Variants in NCR1 observed in about 807,000 individuals in gnomAD.
NCR1 encodes the protein natural cytotoxicity triggering receptor 1, also known as NK cell-activating receptor.
Under a neutral mutation model 32.5 loss-of-function variants are expected in NCR1, and 30 were observed. That is an observed-to-expected ratio of 0.92 (90% CI 0.69 to 1.25). The LOEUF (loss-of-function observed/expected upper bound fraction) is 1.25, where lower values mean the gene tolerates loss of function less well. Ranked by LOEUF, NCR1 falls within the 50% of genes most tolerant of loss-of-function variation. The probability of loss-of-function intolerance (pLI) is 0.00; values close to 1 mark genes in which losing one functional copy is unlikely to be tolerated. For synonymous variants in NCR1, 169 were observed against 143.4 expected (o/e 1.18, Z -1.28); for missense variants, 369 against 380.7 (o/e 0.97, Z 0.26).
downstream of NCR1, among the ~76,000 whole-genome samples, chr19:54,917,073 A>G (rs1435999537): frequency 1.3e-5 from 2 of 151,620 alleles, no homozygotes; most frequent in African/African-American, 4.8e-5. Context: ...GTTGTATTTG[A>G]CACGTTGACC....
At chr19:54,900,344 T>C in the NCR1 span, among the ~76,000 whole-genome samples, 1 of 152,004 alleles carries the variant, frequency 6.6e-6, no homozygotes. Flanking sequence ...AAAGGAAAAT[T>C]ACAGTCAAAA....
chr19:54,900,714 A>T, the NCR1 span, among the ~76,000 whole-genome samples: 1,136 of 152,200 alleles, frequency 7.5e-3, 5 homozygotes, highest in Non-Finnish European at 0.012. Flanking sequence ...AATGTATGTT[A>T]TGTGTATTTT....
downstream of NCR1, among the ~76,000 whole-genome samples, chr19:54,917,592 AT>A (rs1556721374): frequency 6.6e-6 from 1 of 152,106 alleles, no homozygotes; most frequent in Non-Finnish European, 1.5e-5. Flanking sequence ...AAGTGCGAGG[AT>A]TACAGGCCCC....
chr19:54,912,099 C>A (rs2068003531), intron 5 of NCR1, 69 bp from the exon 6 acceptor site: 2 of 1,367,522 alleles, frequency 1.5e-6, no homozygotes, highest in Admixed American at 1.7e-5. Flanking sequence ...TGGGGTAGAC[C>A]CAAGGGAAGG....
chr19:54,934,326 C>T, the NCR1 span, among the ~76,000 whole-genome samples: 2 of 152,170 alleles, frequency 1.3e-5, no homozygotes, highest in Non-Finnish European at 2.9e-5. This position sits in a 1 kb window ranked among gnomAD's most constrained non-coding sequence, Gnocchi z 6.7. Context: ...ATCCGCCCAC[C>T]TCTCTGCTGA....
chr19:54,929,311 G>C, the NCR1 span, among the ~76,000 whole-genome samples: 1 of 152,040 alleles, frequency 6.6e-6, no homozygotes, highest in Non-Finnish European at 1.5e-5. Flanking sequence ...GTTGCAGTGA[G>C]CCAAGATCGC....
the NCR1 span, among the ~76,000 whole-genome samples, chr19:54,931,552 G>A: frequency 6.6e-6 from 1 of 152,158 alleles, no homozygotes; most frequent in South Asian, 2.1e-4. Context: ...GCCAGGTGTG[G>A]TGGCACATGC....
intron 5 of NCR1, among the ~76,000 whole-genome samples, chr19:54,911,085 G>A (rs1226051325): frequency 6.6e-6 from 1 of 152,084 alleles, no homozygotes; most frequent in Non-Finnish European, 1.5e-5. Context: ...GGTGGCTCAC[G>A]CCTGTAATCC....
chr19:54,907,552 C>T lies in NCR1; in HGVS notation c.355+745C>T, dbSNP rs190799965. 2.5e-3 allele frequency among the ~76,000 whole-genome samples: 364 copies of T among 146,174 alleles called. 1 individual carries two copies. The highest frequency in any genetic ancestry group is 9.0e-3 in the African/African-American group (356 of 39,592). On this transcript the variant is annotated intron_variant, in intron 3 of 6. Coordinates refer to ENST00000291890, the MANE Select transcript of NCR1 (RefSeq NM_004829.7). The stretch of plus-strand genomic sequence containing the variant: ...CAAGTATTATACATAGTTACATATA[C>T]ATACATAATTGTATGTGCTATACAA...
At chr19:54,938,097 C>G in the NCR1 span, 3 of 1,614,064 alleles carry the variant, frequency 1.9e-6, no homozygotes, top group East Asian at 6.7e-5. Flanking sequence ...AAAGAATCCG[C>G]ACAGAAGAGT....
intron 4 of NCR1, 46 bp downstream of exon 4, chr19:54,909,569 C>T: frequency 6.4e-7 from 1 of 1,565,442 alleles, no homozygotes; most frequent in Non-Finnish European, 8.6e-7. Flanking sequence ...CCATGTGCTA[C>T]CTGGAGCCCT....
intron 5 of NCR1, among the ~76,000 whole-genome samples, chr19:54,911,966 C>T (rs1358236868): frequency 6.6e-6 from 1 of 151,790 alleles, no homozygotes; most frequent in East Asian, 1.9e-4. Flanking sequence ...CACATGCTCA[C>T]AAGTGCTAGA....
chr19:54,914,179 C>CTT (rs901003519), downstream of NCR1, among the ~76,000 whole-genome samples: 14 of 92,606 alleles, frequency 1.5e-4, no homozygotes, highest in African/African-American at 5.9e-4. Flanking sequence ...TTTTTTTTTT[C>CTT]TTTTTTTTTG....
At chr19:54,925,269 C>T in the NCR1 span, among the ~76,000 whole-genome samples, 2 of 152,156 alleles carry the variant, frequency 1.3e-5, no homozygotes, top group Admixed American at 6.6e-5. Flanking sequence ...GGTGGCATTA[C>T]AGACCTCGGT....
chr19:54,909,954 A>G, intron 4 of NCR1, 64 bp from the exon 5 acceptor site: 3 of 1,397,030 alleles, frequency 2.1e-6, no homozygotes, highest in Non-Finnish European at 3.0e-6. Flanking sequence ...AAAAAAAAAA[A>G]AAGAATGGCA....
At chr19:54,906,477 G>T (rs367859589) in intron 2 of NCR1, 46 bp from the exon 3 acceptor site, 5 of 1,599,626 alleles carry the variant, frequency 3.1e-6, no homozygotes, top group South Asian at 2.2e-5. Flanking sequence ...CCTAAGGTTG[G>T]GGGGAGGGGG....
At chr19:54,907,059 G>T (rs1452290808) in intron 3 of NCR1, among the ~76,000 whole-genome samples, 1 of 152,016 alleles carries the variant, frequency 6.6e-6, no homozygotes, top group Non-Finnish European at 1.5e-5. Flanking sequence ...TGTATGCAGG[G>T]GTATGACTGA....
At chr19:54,911,210 G>A (rs943491609) in intron 5 of NCR1, among the ~76,000 whole-genome samples, 2 of 152,076 alleles carry the variant, frequency 1.3e-5, no homozygotes, top group African/African-American at 4.8e-5. Flanking sequence ...TTATCCGGGC[G>A]TGGTGGCGGG....
chr19:54,903,347 T>TACATAC (rs2067342752), upstream of NCR1, among the ~76,000 whole-genome samples: 1 of 125,392 alleles, frequency 8.0e-6, no homozygotes, highest in African/African-American at 3.8e-5. Flanking sequence ...TATATACATA[T>TACATAC]ATGCATATAT....
Sources: gnomAD v4.1 joint callset for allele counts (sites outside exome capture counted in the v4.1 genomes callset) on GRCh38, gnomAD v4.1.1 for gene constraint, Gnocchi (gnomAD v3.1) non-coding constraint, MANE v1.5 for transcripts, NCBI Gene and HGNC (gene_info 2026-07-23, HGNC 2026-07-21) for gene names.